Variants in FAM3C observed in about 807,000 individuals in gnomAD.
FAM3C encodes FAM3 metabolism regulating signaling molecule C, also known as protein FAM3C.
A neutral mutation model predicts 32.5 loss-of-function variants in FAM3C; 15 were observed. The ratio of observed to expected loss-of-function variants is 0.46; its 90% CI spans 0.31 to 0.71. FAM3C has a LOEUF of 0.71. Ranked by LOEUF, FAM3C falls within the 30% of genes least tolerant of loss-of-function variation. The pLI, the probability that FAM3C is intolerant of heterozygous loss-of-function variation, is 0.05. For missense variants in FAM3C, 175 were observed against 274.4 expected (o/e 0.64, Z 2.56); for synonymous variants, 75 against 86.1 (o/e 0.87, Z 0.72).
chr7:121,365,700 C>T (rs1445701071), intron 5 of FAM3C, among the ~76,000 whole-genome samples: 4 of 151,960 alleles, frequency 2.6e-5, no homozygotes, highest in Non-Finnish European at 5.9e-5. Flanking sequence ...TTTCAACATA[C>T]CAAATAAAGA....
chr7:121,361,602 C>A (rs1793924917), intron 7 of FAM3C, among the ~76,000 whole-genome samples: 1 of 152,174 alleles, frequency 6.6e-6, no homozygotes, highest in Non-Finnish European at 1.5e-5. Context: ...AATTGATGGT[C>A]CCATTTTAAG....
intron 7 of FAM3C, 46 bp downstream of exon 7, chr7:121,362,851 T>G (rs374381879): frequency 3.3e-5 from 34 of 1,040,872 alleles, no homozygotes; most frequent in Non-Finnish European, 4.7e-5. Context: ...TTGAGGTGAT[T>G]AAGTCAGTGC....
chr7:121,367,145 T>G (rs1794037715), intron 5 of FAM3C, among the ~76,000 whole-genome samples: 1 of 152,330 alleles, frequency 6.6e-6, no homozygotes, highest in South Asian at 2.1e-4. Context: ...CTAACACAAG[T>G]TGAAATATTT....
At chr7:121,388,139 G>A (rs565280131) in intron 1 of FAM3C, among the ~76,000 whole-genome samples, 4 of 152,018 alleles carry the variant, frequency 2.6e-5, no homozygotes, top group African/African-American at 9.6e-5. Flanking sequence ...CTAAAGGCTT[G>A]AAAGAAAAAT....
intron 5 of FAM3C, among the ~76,000 whole-genome samples, 166 bp downstream of exon 5, chr7:121,371,134 T>G (rs2116916447): frequency 1.3e-5 from 2 of 152,148 alleles, no homozygotes; most frequent in East Asian, 3.9e-4. Flanking sequence ...ATTTAAGAAC[T>G]TTAAGGTCCC....
chr7:121,364,344 A>G, intron 5 of FAM3C, 156 bp from the exon 6 acceptor site: 3 of 594,238 alleles, frequency 5.0e-6, no homozygotes, highest in Non-Finnish European at 6.0e-6. Context: ...TAAGTCAGAG[A>G]AGACAGTCTA....
At chr7:121,385,498 T>C (rs1562892885) in intron 1 of FAM3C, among the ~76,000 whole-genome samples, 1 of 152,176 alleles carries the variant, frequency 6.6e-6, no homozygotes, top group Non-Finnish European at 1.5e-5. Flanking sequence ...CAGATGGACG[T>C]ACTAAACTTC....
chr7:121,375,038 A>C (rs1425405928), intron 3 of FAM3C, among the ~76,000 whole-genome samples: 8 of 152,204 alleles, frequency 5.3e-5, no homozygotes, highest in Non-Finnish European at 1.0e-4. Context: ...TGAAGCACCA[A>C]AATAGCGCCT....
chr7:121,385,824 T>G (rs1439427650), intron 1 of FAM3C, among the ~76,000 whole-genome samples: 1 of 152,214 alleles, frequency 6.6e-6, no homozygotes, highest in Non-Finnish European at 1.5e-5. Context: ...TACATACTTA[T>G]GTCAGTGCAA....
chr7:121,371,447 CT>C (rs1170370192), intron 4 of FAM3C, 24 bp from the exon 5 acceptor site: 3 of 1,609,938 alleles, frequency 1.9e-6, no homozygotes, highest in Non-Finnish European at 2.5e-6. Context: ...AACATGATGT[CT>C]TTTTTTAGAA....
At chr7:121,361,053 A>G in intron 7 of FAM3C, among the ~76,000 whole-genome samples, 1 of 152,212 alleles carries the variant, frequency 6.6e-6, no homozygotes, top group East Asian at 1.9e-4. Flanking sequence ...TGATCACTAA[A>G]AGCCAAACTA....
intron 8 of FAM3C, among the ~76,000 whole-genome samples, chr7:121,352,141 G>A (rs1302978866): frequency 2.6e-5 from 4 of 152,142 alleles, no homozygotes; most frequent in African/African-American, 9.7e-5. Context: ...AAAACCTGAG[G>A]CAAGGCAAGT....
At chr7:121,362,221 T>C (rs1793939594) in intron 7 of FAM3C, among the ~76,000 whole-genome samples, 1 of 152,178 alleles carries the variant, frequency 6.6e-6, no homozygotes, top group African/African-American at 2.4e-5. Flanking sequence ...GCGTTCTTCT[T>C]TGGGGTGCCA....
rs1481607778 is a variant in FAM3C at position 121,361,218 on chromosome 7, G to GT, written c.383-1092dup. ...CTTGACATCTTGAACTCTTTACAATGTCTGGGTTCCTTATAGCTCTGAAGT... is the reference window on the plus strand; with the variant it reads ...CTTGACATCTTGAACTCTTTACAATGTTCTGGGTTCCTTATAGCTCTGAAGT... On this transcript the variant is annotated intron_variant, in intron 7 of 9. Coordinates refer to ENST00000359943, the MANE Select transcript of FAM3C (RefSeq NM_014888.3). Among the ~76,000 whole-genome samples, 3 of 152,296 alleles carry GT rather than the reference G, an allele frequency of 2.0e-5. No individual in the cohort carries two copies. The East Asian group carries it at 5.8e-4, about 29-fold the overall frequency.
At chr7:121,393,273 G>C (rs1794614029) in intron 1 of FAM3C, among the ~76,000 whole-genome samples, 1 of 152,054 alleles carries the variant, frequency 6.6e-6, no homozygotes, top group Admixed American at 6.6e-5. Flanking sequence ...GTGCAAAATA[G>C]TAAGATCCCG....
At chr7:121,353,268 C>T (rs1349344328) in intron 8 of FAM3C, among the ~76,000 whole-genome samples, 4 of 152,188 alleles carry the variant, frequency 2.6e-5, no homozygotes, top group Non-Finnish European at 5.9e-5. Flanking sequence ...GAAGGGCAGT[C>T]AGGCATTCTT....
intron 1 of FAM3C, among the ~76,000 whole-genome samples, chr7:121,394,191 G>T (rs2116982057): frequency 6.6e-6 from 1 of 152,262 alleles, no homozygotes; most frequent in East Asian, 1.9e-4. Context: ...TTTGAAAAAT[G>T]AATCGTTCAA....
Position 121,374,131 on chromosome 7 carries a change from C to T in FAM3C, c.119-1992G>A, listed in dbSNP as rs536446510. On this transcript the variant is annotated intron_variant, in intron 3 of 9. Transcript: ENST00000359943. ...AACAACACTACATTACACCACAATG[C>T]TGAATAAGATTGGTGAATTGTATCC... 3.9e-4 allele frequency among the ~76,000 whole-genome samples: 59 copies of T among 152,186 alleles called. No individual in the cohort carries two copies. The South Asian group carries it at 0.012, about 32-fold the overall frequency.
intron 2 of FAM3C, 59 bp downstream of exon 2, chr7:121,382,898 T>C: frequency 7.9e-7 from 1 of 1,264,190 alleles, no homozygotes; most frequent in African/African-American, 1.5e-5. Flanking sequence ...CTTTAGTTAT[T>C]CTTTAACAAA....
Sources: gnomAD v4.1 joint callset for allele counts (sites outside exome capture counted in the v4.1 genomes callset) on GRCh38, gnomAD v4.1.1 for gene constraint, MANE v1.5 for transcripts, NCBI Gene and HGNC (gene_info 2026-07-23, HGNC 2026-07-21) for gene names.